Variants in DKK2 observed in about 807,000 individuals in gnomAD.
DKK2 encodes the protein dickkopf-related protein 2.
Under a neutral mutation model 28.1 loss-of-function variants are expected in DKK2, and 11 were observed. That is an observed-to-expected ratio of 0.39 (90% CI 0.25 to 0.65). The LOEUF is 0.65. DKK2 is among the 30% of genes least tolerant of loss of function. The pLI is 0.47. For missense variants in DKK2, 326 were observed against 335.5 expected, an observed-to-expected ratio of 0.97 and a Z score of 0.22; for synonymous variants, 135 against 126.5, an observed-to-expected ratio of 1.07 and a Z score of -0.45.
chr4:106,956,838 A>C lies in DKK2; in HGVS notation c.223-30889T>G, dbSNP rs1264640476. On this transcript the variant is annotated intron_variant, in intron 1 of 3. Coordinates refer to ENST00000285311, the MANE Select transcript of DKK2 (RefSeq NM_014421.3). ...AGGCATTACCATTCAGGACATAGGC[A>C]TGGGCAAGGACTTCATGTCTAAAAC... 6.6e-5 allele frequency among the ~76,000 whole-genome samples: 10 copies of C among 151,304 alleles called. No individual in the cohort carries two copies. In the East Asian group the frequency reaches 1.8e-3, roughly 27 times the overall value.
chr4:106,983,482 G>T (rs1723065285), intron 1 of DKK2, among the ~76,000 whole-genome samples: 1 of 152,036 alleles, frequency 6.6e-6, no homozygotes, highest in South Asian at 2.1e-4. Flanking sequence ...CATGTAACAT[G>T]AAACAATAAA....
intron 1 of DKK2, among the ~76,000 whole-genome samples, chr4:106,927,164 A>T (rs1365024539): frequency 6.6e-6 from 1 of 152,214 alleles, no homozygotes; most frequent in Non-Finnish European, 1.5e-5. Context: ...GCTCTCAAAT[A>T]CTTAGTGAGA....
chr4:106,940,007 T>C (rs1436505359), intron 1 of DKK2, among the ~76,000 whole-genome samples: 6 of 152,154 alleles, frequency 3.9e-5, no homozygotes, highest in Non-Finnish European at 2.9e-5. Flanking sequence ...ATAAAAACCC[T>C]AGAAGAAAAC....
Position 106,984,782 on chromosome 4 carries a change from G to A in DKK2, c.222+50588C>T, listed in dbSNP as rs184010191. The stretch of plus-strand genomic sequence containing the variant: ...AAAACAAATACAGATATCCTTCAAC[G>A]GGTGAATGGTTAAGCAGTCTGGAAT... On this transcript the variant is annotated intron_variant, in intron 1 of 3. Transcript: ENST00000285311. Among the ~76,000 whole-genome samples the A allele has an allele frequency of 1.8e-4, 28 of 152,306 alleles. No individual in the cohort carries two copies. In the East Asian group the frequency reaches 4.8e-3, roughly 26 times the overall value.
intron 1 of DKK2, among the ~76,000 whole-genome samples, chr4:106,982,976 GAGAA>G (rs760996516): frequency 4.1e-4 from 57 of 138,630 alleles, no homozygotes; most frequent in African/African-American, 9.8e-4. Context: ...AAGAAAGAAA[GAGAA>G]AGAAAGAAAG....
chr4:106,978,918 G>T (rs949844903), intron 1 of DKK2, among the ~76,000 whole-genome samples: 4 of 152,112 alleles, frequency 2.6e-5, no homozygotes, highest in African/African-American at 9.7e-5. Flanking sequence ...CCTAGTCTAC[G>T]GGTTGCGAAG....
At chr4:106,926,402 G>C (rs1369890189) in intron 1 of DKK2, among the ~76,000 whole-genome samples, 2 of 152,132 alleles carry the variant, frequency 1.3e-5, no homozygotes, top group Admixed American at 1.3e-4. Context: ...AAGCCAAAAT[G>C]TATCTCCTGC....
At chr4:106,935,244 G>T (rs1724563226) in intron 1 of DKK2, among the ~76,000 whole-genome samples, 1 of 152,204 alleles carries the variant, frequency 6.6e-6, no homozygotes, top group South Asian at 2.1e-4. Flanking sequence ...GTGGGCACAG[G>T]TCAGTGGGTG....
chr4:106,988,087 A>G (rs1000041025), intron 1 of DKK2, among the ~76,000 whole-genome samples: 2 of 152,152 alleles, frequency 1.3e-5, no homozygotes, highest in East Asian at 1.9e-4. Context: ...GATGGTCTCA[A>G]TCTCCTGACC....
At chr4:107,014,801 A>G (rs1041915494) in intron 1 of DKK2, among the ~76,000 whole-genome samples, 40 of 151,488 alleles carry the variant, frequency 2.6e-4, no homozygotes, top group African/African-American at 8.7e-4. Context: ...TATAAACAAA[A>G]TTAAAAATAG....
intron 1 of DKK2, among the ~76,000 whole-genome samples, chr4:106,989,703 A>G (rs1389517258): frequency 2.0e-5 from 3 of 152,222 alleles, no homozygotes; most frequent in Non-Finnish European, 2.9e-5. Flanking sequence ...TTAGCTCACA[A>G]GGAATAAAAT....
intron 1 of DKK2, among the ~76,000 whole-genome samples, chr4:106,959,146 T>G (rs1192464842): frequency 1.3e-5 from 2 of 152,192 alleles, no homozygotes; most frequent in Non-Finnish European, 2.9e-5. Flanking sequence ...TGTATTTTAC[T>G]TTCTGAAATC....
intron 2 of DKK2, among the ~76,000 whole-genome samples, chr4:106,925,125 C>T (rs1724406998): frequency 1.3e-5 from 2 of 152,246 alleles, no homozygotes; most frequent in Non-Finnish European, 2.9e-5. Flanking sequence ...GTCTTCTTCC[C>T]TTCACCTCCT....
intron 1 of DKK2, among the ~76,000 whole-genome samples, chr4:107,033,216 T>C (rs909264094): frequency 9.9e-5 from 15 of 152,196 alleles, no homozygotes; most frequent in African/African-American, 3.6e-4. Context: ...ACAAGCCTAA[T>C]GTCAAATTTT....
intron 1 of DKK2, among the ~76,000 whole-genome samples, chr4:106,974,673 C>T (rs879183873): frequency 6.6e-6 from 1 of 152,192 alleles, no homozygotes; most frequent in Non-Finnish European, 1.5e-5. Flanking sequence ...AATATACAAT[C>T]ATGTCATCTG....
intron 1 of DKK2, among the ~76,000 whole-genome samples, chr4:106,959,053 C>T (rs1722649159): frequency 1.3e-5 from 2 of 151,712 alleles, no homozygotes. Flanking sequence ...ATATTAAATA[C>T]ATATGTGTAA....
intron 1 of DKK2, among the ~76,000 whole-genome samples, chr4:106,938,178 G>T (rs1724630061): frequency 1.3e-5 from 2 of 148,570 alleles, no homozygotes; most frequent in Admixed American, 6.7e-5. Flanking sequence ...ATGAATCCAG[G>T]AGCTGGTTTT....
At chr4:107,006,884 A>T (rs2110367333) in intron 1 of DKK2, among the ~76,000 whole-genome samples, 1 of 152,324 alleles carries the variant, frequency 6.6e-6, no homozygotes, top group African/African-American at 2.4e-5. Flanking sequence ...ATCTTAACCT[A>T]CCTTATTAAA....
chr4:106,972,674 G>A (rs963454310), intron 1 of DKK2, among the ~76,000 whole-genome samples: 8 of 152,062 alleles, frequency 5.3e-5, no homozygotes, highest in Admixed American at 4.6e-4. Context: ...TTAGAACAGT[G>A]TCTAGCTTTA....
Sources: gnomAD v4.1 joint callset for allele counts (sites outside exome capture counted in the v4.1 genomes callset) on GRCh38, gnomAD v4.1.1 for gene constraint, MANE v1.5 for transcripts, NCBI Gene and HGNC (gene_info 2026-07-23, HGNC 2026-07-21) for gene names.